PPL: variants seen among roughly 807,000 people sequenced by gnomAD.
PPL encodes the protein 190 kDa paraneoplastic pemphigus antigen.
A neutral mutation model predicts 194.4 loss-of-function variants in PPL; 198 were observed. The ratio of observed to expected loss-of-function variants is 1.02; its 90% CI spans 0.91 to 1.15. The LOEUF (loss-of-function observed/expected upper bound fraction) is 1.15. Ranked by LOEUF, PPL falls within the 50% of genes most tolerant of loss-of-function variation. PPL has a pLI of 0.00. For missense variants in PPL, 2,885 were observed against 2,294.8 expected, an observed-to-expected ratio of 1.26 and a Z score of -5.25; for synonymous variants, 1,220 against 972.4, an observed-to-expected ratio of 1.25 and a Z score of -4.74.
At chr16:4,895,542 T>C in intron 10 of PPL, 52 bp downstream of exon 10, 1 of 1,611,952 alleles carries the variant, frequency 6.2e-7, no homozygotes, top group Non-Finnish European at 8.5e-7. Context: ...AGGCATGGTG[T>C]AGAGGGGTCC....
Position 4,902,188 on chromosome 16 carries a change from G to A in PPL, c.438+218C>T, listed in dbSNP as rs1184385545. 6.6e-6 allele frequency among the ~76,000 whole-genome samples: 1 copy of A among 152,204 alleles called. No individual in the cohort carries two copies. The highest frequency in any genetic ancestry group is 1.5e-5 in the Non-Finnish European group (1 of 68,034). ...AGCGAGGTGTGGCTGACAGGGGACA[G>A]AGTCCGAATCTCCACCGCTTGAGCT... On this transcript the variant is annotated intron_variant, in intron 4 of 21. Transcript: ENST00000345988. This position sits in a 1 kb window ranked among gnomAD's most constrained non-coding sequence, Gnocchi z 4.0.
At chr16:4,888,466 C>A (rs1051440521) in intron 19 of PPL, among the ~76,000 whole-genome samples, 1 of 152,164 alleles carries the variant, frequency 6.6e-6, no homozygotes, top group African/African-American at 2.4e-5. Context: ...CCCTGAATTC[C>A]CCTCCCAGCC....
chr16:4,888,370 A>G, intron 19 of PPL, 152 bp from the exon 20 acceptor site: 1 of 599,794 alleles, frequency 1.7e-6, no homozygotes, highest in South Asian at 1.9e-5. Context: ...TGCACCCTGC[A>G]GTGATTTCCA....
At chr16:4,933,053 G>A (rs528340057) in intron 1 of PPL, among the ~76,000 whole-genome samples, 1 of 151,522 alleles carries the variant, frequency 6.6e-6, no homozygotes, top group African/African-American at 2.4e-5. Flanking sequence ...CCAGGCTGGA[G>A]TGCAGTAGCA....
At position 4,889,068 on chromosome 16, in the gene PPL, GAC is replaced by G. The variant is rs780192802; in HGVS notation, c.2314-9_2314-8del. On this transcript the variant is annotated splice_region_variant and splice_polypyrimidine_tract_variant and intron_variant, in intron 18 of 21. Coordinates refer to ENST00000345988, the MANE Select transcript of PPL (RefSeq NM_002705.5). ...CTATCTCATCTAGCAGGTTCTGTAA[GAC>G]AGAGTTTAAAAATCAAAACTAACCA... 2 of 1,612,586 alleles carry G rather than the reference GAC, an allele frequency of 1.2e-6. No individual in the cohort carries two copies. The highest frequency in any genetic ancestry group is 8.5e-7 in the Non-Finnish European group (1 of 1,179,296).
At chr16:4,921,268 T>A (rs901673165) in intron 1 of PPL, among the ~76,000 whole-genome samples, 2 of 152,132 alleles carry the variant, frequency 1.3e-5, no homozygotes, top group Admixed American at 1.3e-4. Context: ...CAGGGCTGTG[T>A]TTGAGGGTAC....
In PPL at chr16:4,916,188, C is replaced by T. The variant is rs897506978; in HGVS notation, c.63-5239G>A. Among the ~76,000 whole-genome samples, 5 of 152,168 alleles carry T rather than the reference C, an allele frequency of 3.3e-5. No individual in the cohort carries two copies. In the South Asian group the frequency reaches 1.0e-3, roughly 32 times the overall value. On this transcript the variant is annotated intron_variant, in intron 1 of 21. Transcript: ENST00000345988. ...GTCACCATAAGACCCAGCAAGTCCA[C>T]CCCTACGTATTTTTTTTATTTTTAT...
Position 4,885,962 on chromosome 16 carries a change from T to G in PPL, c.2693A>C (p.Glu898Ala), listed in dbSNP as rs527593127. 3.7e-6 allele frequency: 6 copies of G among 1,613,726 alleles called. No homozygotes were observed. The African/African-American group carries it at 8.0e-5, about 22-fold the overall frequency. ...GVEEAWKIRK[E>A]LDEETERRRQ... ...CCTCCGCTCAGTCTCCTCATCCAGT[T>G]CCTTCCTGATCTTCCACGCCTCCTC... Residue 898 changes from glutamate to alanine, a missense_variant, in exon 22 of 22, where the codon GAA (glutamate) becomes GCA (alanine). Coordinates refer to ENST00000345988, the MANE Select transcript of PPL (RefSeq NM_002705.5). The surrounding 1 kb of genome is among the most constrained non-coding windows in gnomAD (Gnocchi z 6.3).
chr16:4,936,866 G>A (rs1269928434), intron 1 of PPL, 118 bp downstream of exon 1: 10 of 1,061,184 alleles, frequency 9.4e-6, no homozygotes, highest in Non-Finnish European at 1.3e-5. Context: ...TCCGGGTTCA[G>A]TTCCCGGTTC....
rs774954535 is a variant in PPL at position 4,888,097 on chromosome 16, C to T, written c.2514+5G>A. 128 of 1,608,792 alleles carry T rather than the reference C, an allele frequency of 8.0e-5. No individual in the cohort carries two copies. The Admixed American group carries it at 2.0e-3, about 25-fold the overall frequency. ...TCCCGAGGCCGCCTGGCCCATGGAACTCACCTCTTCCTTCACTTTGGTGGC... is the reference window on the plus strand; with the variant it reads ...TCCCGAGGCCGCCTGGCCCATGGAATTCACCTCTTCCTTCACTTTGGTGGC... On this transcript the variant is annotated splice_donor_5th_base_variant and intron_variant, in intron 20 of 21. Coordinates refer to ENST00000345988, the MANE Select transcript of PPL (RefSeq NM_002705.5).
At chr16:4,906,370 G>A (rs1240463339) in intron 2 of PPL, among the ~76,000 whole-genome samples, 8 of 151,976 alleles carry the variant, frequency 5.3e-5, no homozygotes, top group Non-Finnish European at 2.9e-5. Flanking sequence ...GACTGCAGGC[G>A]CCCACCACCA....
In PPL at chr16:4,885,591, G is replaced by T. The variant is rs747695962; in HGVS notation, c.3064C>A (p.Arg1022=). 3 of 1,612,006 alleles carry T rather than the reference G, an allele frequency of 1.9e-6. No individual in the cohort carries two copies. In the East Asian group the frequency reaches 6.7e-5, roughly 36 times the overall value. Residue 1022 remains arginine, a synonymous_variant, in exon 22 of 22, where the codon CGG becomes AGG. Coordinates refer to ENST00000345988, the MANE Select transcript of PPL (RefSeq NM_002705.5). This position sits in a 1 kb window ranked among gnomAD's most constrained non-coding sequence, Gnocchi z 6.3. ...TCTGCCTCCCGGGCGCCCTTCTGCCGCCTCAGTGCCTCCAGCTCCTCCCGC... is the reference window on the plus strand; with the variant it reads ...TCTGCCTCCCGGGCGCCCTTCTGCCTCCTCAGTGCCTCCAGCTCCTCCCGC... ...QLREELEALR[R]QKGAREAEVL...
rs1371333522 is a variant in PPL, at chr16:4,896,323, G to A, written c.973-607C>T. Among the ~76,000 whole-genome samples the A allele has an allele frequency of 2.6e-5, 4 of 152,174 alleles. No homozygotes were observed. In the South Asian group the frequency reaches 6.2e-4, roughly 24 times the overall value. ...CTTCTTAAGAACTCTCATTCCTCTGGAAACAGACAAGTGTCCAGCCACAGA... is the reference window on the plus strand; with the variant it reads ...CTTCTTAAGAACTCTCATTCCTCTGAAAACAGACAAGTGTCCAGCCACAGA... On this transcript the variant is annotated intron_variant, in intron 9 of 21. Coordinates refer to ENST00000345988, the MANE Select transcript of PPL (RefSeq NM_002705.5).
At chr16:4,931,481 G>A (rs1483999707) in intron 1 of PPL, among the ~76,000 whole-genome samples, 2 of 152,272 alleles carry the variant, frequency 1.3e-5, no homozygotes, top group African/African-American at 4.8e-5. Context: ...GTGGCCTCCC[G>A]GGCTCCAGAG....
At chr16:4,922,676 C>CA (rs1240151537) in intron 1 of PPL, among the ~76,000 whole-genome samples, 1 of 151,776 alleles carries the variant, frequency 6.6e-6, no homozygotes, top group African/African-American at 2.4e-5. Context: ...CAAAACAAAA[C>CA]AAAAAAACCC....
intron 1 of PPL, 30 bp downstream of exon 1, chr16:4,936,953 TC>T: frequency 6.3e-7 from 1 of 1,576,596 alleles, no homozygotes; most frequent in Admixed American, 1.7e-5. Flanking sequence ...GGCAAGAGCG[TC>T]CCGGAGCGGA....
At chr16:4,890,570 A>G (rs547377094) in intron 17 of PPL, among the ~76,000 whole-genome samples, 158 bp downstream of exon 17, 3 of 152,338 alleles carry the variant, frequency 2.0e-5, no homozygotes, top group African/African-American at 4.8e-5. Context: ...CCAGGTAAGC[A>G]TGACTCAAAA....
intron 3 of PPL, 26 bp downstream of exon 3, chr16:4,903,859 CT>C: frequency 6.2e-7 from 1 of 1,612,174 alleles, no homozygotes; most frequent in Middle Eastern, 1.7e-4. Flanking sequence ...AATGGCTCCC[CT>C]GGGGTAAGAA....
chr16:4,932,215 G>C (rs1274457463), intron 1 of PPL, among the ~76,000 whole-genome samples: 4 of 152,252 alleles, frequency 2.6e-5, no homozygotes, highest in African/African-American at 4.8e-5. Flanking sequence ...GTCAGAATGA[G>C]ATGTAACATC....
Sources: allele counts gnomAD v4.1 joint callset (sites outside exome capture counted in the v4.1 genomes callset), GRCh38; gene constraint gnomAD v4.1.1; non-coding constraint Gnocchi (gnomAD v3.1); transcripts MANE v1.5; gene names NCBI Gene and HGNC (gene_info 2026-07-23, HGNC 2026-07-21).